Variants in PCDH9 observed in about 807,000 individuals in gnomAD.
PCDH9 encodes the protein protocadherin-9.
In PCDH9, 24 loss-of-function variants were observed where a neutral mutation model predicts 70.6. The observed-to-expected ratio is 0.34, with a 90% CI of 0.25 to 0.48. The LOEUF (loss-of-function observed/expected upper bound fraction) is 0.48, where lower values mean the gene tolerates loss of function less well. PCDH9 is among the 20% of genes least tolerant of loss of function. The pLI is 0.99. For synonymous variants in PCDH9, 562 were observed against 558.5 expected (o/e 1.01, Z -0.09); for missense variants, 1,281 against 1,503.6 (o/e 0.85, Z 2.45).
chr13:66,470,482 A>G (rs895825909), intron 4 of PCDH9, among the ~76,000 whole-genome samples: 1 of 152,138 alleles, frequency 6.6e-6, no homozygotes, highest in African/African-American at 2.4e-5. Flanking sequence ...GTGTTAACGC[A>G]TCTTTGAAAA....
intron 2 of PCDH9, among the ~76,000 whole-genome samples, chr13:66,919,434 G>C (rs2082605856): frequency 6.6e-6 from 1 of 151,056 alleles, no homozygotes; most frequent in Non-Finnish European, 1.5e-5. Flanking sequence ...GCATGTTTTT[G>C]TCTATTTCTT....
chr13:67,106,289 T>C (rs2086541565), intron 2 of PCDH9, among the ~76,000 whole-genome samples: 1 of 152,196 alleles, frequency 6.6e-6, no homozygotes, highest in African/African-American at 2.4e-5. Flanking sequence ...TTTTAAGTAC[T>C]TACTATGTGG....
intron 2 of PCDH9, among the ~76,000 whole-genome samples, chr13:67,187,349 G>A (rs1002484975): frequency 6.6e-6 from 1 of 152,184 alleles, no homozygotes; most frequent in African/African-American, 2.4e-5. Flanking sequence ...GAAAGGCAGA[G>A]TATAGAAATG....
At chr13:66,825,281 T>G (rs2080799498) in intron 3 of PCDH9, 1 of 150,194 alleles carries the variant, frequency 6.7e-6, no homozygotes, top group Non-Finnish European at 1.5e-5. Flanking sequence ...GAACTTGTTG[T>G]AAATCGTATT....
At chr13:66,409,009 G>T (rs1957328189) in intron 4 of PCDH9, among the ~76,000 whole-genome samples, 1 of 152,018 alleles carries the variant, frequency 6.6e-6, no homozygotes, top group Admixed American at 6.6e-5. Flanking sequence ...GTAAGGATTA[G>T]GTAATATAAT....
intron 4 of PCDH9, among the ~76,000 whole-genome samples, chr13:66,312,469 G>A (rs1034041978): frequency 4.6e-5 from 7 of 152,004 alleles, no homozygotes; most frequent in Non-Finnish European, 1.0e-4. Context: ...ATATTAGCCA[G>A]GCATGGTGTC....
intron 4 of PCDH9, among the ~76,000 whole-genome samples, chr13:66,394,439 A>T (rs1328287528): frequency 6.6e-6 from 1 of 152,124 alleles, no homozygotes; most frequent in Non-Finnish European, 1.5e-5. Context: ...AAATATTGGG[A>T]TTTGTTACTA....
chr13:66,809,059 T>C (rs1332111129), intron 3 of PCDH9, among the ~76,000 whole-genome samples: 1 of 152,200 alleles, frequency 6.6e-6, no homozygotes, highest in Non-Finnish European at 1.5e-5. Flanking sequence ...GCCATTCTCC[T>C]GCCTCAGCCT....
intron 3 of PCDH9, among the ~76,000 whole-genome samples, chr13:66,875,572 C>T (rs970237737): frequency 6.6e-6 from 1 of 152,044 alleles, no homozygotes; most frequent in Non-Finnish European, 1.5e-5. Flanking sequence ...GTTTCCATTC[C>T]AATGTCTATT....
intron 4 of PCDH9, among the ~76,000 whole-genome samples, chr13:66,578,961 G>GCAATT (rs1244560531): frequency 5.9e-5 from 9 of 152,056 alleles, no homozygotes; most frequent in African/African-American, 1.7e-4. Flanking sequence ...AAGGTAACTT[G>GCAATT]CAATTCCATC....
chr13:66,944,815 C>CTGTG (rs1412776510), intron 2 of PCDH9, among the ~76,000 whole-genome samples: 5 of 60,072 alleles, frequency 8.3e-5, no homozygotes, highest in Non-Finnish European at 1.6e-4. Context: ...TTCTAATCGT[C>CTGTG]TCTGTGTGTG....
intron 2 of PCDH9, among the ~76,000 whole-genome samples, chr13:67,054,953 C>A (rs1008565589): frequency 1.3e-5 from 2 of 152,152 alleles, no homozygotes; most frequent in Admixed American, 6.5e-5. Flanking sequence ...AAGCACAGCT[C>A]TATTTGCTTA....
intron 2 of PCDH9, among the ~76,000 whole-genome samples, chr13:66,988,511 T>C (rs973981423): frequency 2.2e-4 from 33 of 152,122 alleles, no homozygotes; most frequent in African/African-American, 7.9e-4. Flanking sequence ...GCAGAAAGGA[T>C]GACACAGACT....
At chr13:67,054,831 T>C (rs1217650311) in intron 2 of PCDH9, among the ~76,000 whole-genome samples, 2 of 152,176 alleles carry the variant, frequency 1.3e-5, no homozygotes, top group Non-Finnish European at 2.9e-5. Context: ...TTTATGTCCC[T>C]GCATCTGTCA....
At chr13:66,786,927 C>T (rs2080089309) in intron 3 of PCDH9, among the ~76,000 whole-genome samples, 1 of 152,028 alleles carries the variant, frequency 6.6e-6, no homozygotes, top group African/African-American at 2.4e-5. Context: ...CAAGAGATGT[C>T]GAAGCATTGC....
At chr13:67,085,965 A>G (rs1264277694) in intron 2 of PCDH9, among the ~76,000 whole-genome samples, 1 of 152,182 alleles carries the variant, frequency 6.6e-6, no homozygotes, top group African/African-American at 2.4e-5. Flanking sequence ...CGCCTCAGAC[A>G]ATCCTGTGAA....
chr13:66,478,222 A>G (rs962359975), intron 4 of PCDH9, among the ~76,000 whole-genome samples: 1 of 152,160 alleles, frequency 6.6e-6, no homozygotes, highest in Non-Finnish European at 1.5e-5. Context: ...GAACTTAATA[A>G]ATGTTGTGTG....
At chr13:66,999,790 C>T (rs1176291880) in intron 2 of PCDH9, among the ~76,000 whole-genome samples, 5 of 152,286 alleles carry the variant, frequency 3.3e-5, no homozygotes, top group East Asian at 1.9e-4. Flanking sequence ...GAGATACCAT[C>T]TCACACCAGT....
At chr13:66,915,677 T>C (rs1244244818) in intron 2 of PCDH9, among the ~76,000 whole-genome samples, 1 of 151,642 alleles carries the variant, frequency 6.6e-6, no homozygotes, top group Non-Finnish European at 1.5e-5. Context: ...TGTGGGGTGT[T>C]TATGTGCATG....
Sources: gnomAD v4.1 joint callset for allele counts (sites outside exome capture counted in the v4.1 genomes callset) on GRCh38, gnomAD v4.1.1 for gene constraint, MANE v1.5 for transcripts, NCBI Gene and HGNC (gene_info 2026-07-23, HGNC 2026-07-21) for gene names.